TBC1D2: variants seen among roughly 807,000 people sequenced by gnomAD.
TBC1D2 encodes the protein TBC1 domain family member 2A.
In TBC1D2, 58 loss-of-function variants were observed where a neutral mutation model predicts 91.1. That is an observed-to-expected ratio of 0.64 (90% CI 0.52 to 0.79). TBC1D2 has a LOEUF of 0.79. Among genes scored for constraint, TBC1D2 ranks in the 30% least tolerant of loss-of-function variants. The probability of loss-of-function intolerance (pLI) is 0.00; values close to 1 mark genes in which losing one functional copy is unlikely to be tolerated. For missense variants in TBC1D2, 1,080 were observed against 1,208.3 expected (o/e 0.89, Z 1.57); for synonymous variants, 482 against 511.5 (o/e 0.94, Z 0.78).
At chr9:98,237,513 CT>C (rs929206241) in intron 3 of TBC1D2, among the ~76,000 whole-genome samples, 114 of 143,740 alleles carry the variant, frequency 7.9e-4, no homozygotes, top group Middle Eastern at 3.5e-3. Context: ...CTTTTTTTTT[CT>C]TTTTTTTTTT....
chr9:98,246,162 T>C (rs1829759516), intron 2 of TBC1D2, among the ~76,000 whole-genome samples: 1 of 152,144 alleles, frequency 6.6e-6, no homozygotes, highest in Non-Finnish European at 1.5e-5. Flanking sequence ...CACTTATGGG[T>C]TGGTATGAGC....
Position 98,221,286 on chromosome 9 carries a change from G to A in TBC1D2, c.979-58C>T, listed in dbSNP as rs576001858. On this transcript the variant is annotated intron_variant, in intron 5 of 12. Coordinates refer to ENST00000465784, the MANE Select transcript of TBC1D2 (RefSeq NM_001267571.2). ...CAGGGAGGGCCTGCTGGGCGCCACAGTGGGGTATATGTTATCAGTAGTTCT... is the reference window on the plus strand; with the variant it reads ...CAGGGAGGGCCTGCTGGGCGCCACAATGGGGTATATGTTATCAGTAGTTCT... 141 of 1,477,812 alleles carry A rather than the reference G, an allele frequency of 9.5e-5. 2 individuals carry two copies. In the South Asian group the frequency reaches 1.8e-3, roughly 19 times the overall value. The allele number at this position is 1,477,812 out of a possible 1,614,324, so 91.5% of individuals were successfully genotyped here.
At chr9:98,202,540 C>T (rs1425297790) in intron 10 of TBC1D2, among the ~76,000 whole-genome samples, 1 of 152,158 alleles carries the variant, frequency 6.6e-6, no homozygotes, top group Non-Finnish European at 1.5e-5. Flanking sequence ...AAGGTAACTC[C>T]CCAAGTCTAA....
intron 3 of TBC1D2, among the ~76,000 whole-genome samples, chr9:98,241,968 A>G (rs960891555): frequency 1.3e-5 from 2 of 152,096 alleles, no homozygotes; most frequent in Non-Finnish European, 2.9e-5. Context: ...CTAAAACCTG[A>G]TTCTCTCCTG....
intron 3 of TBC1D2, among the ~76,000 whole-genome samples, chr9:98,239,015 G>C (rs977931001): frequency 6.6e-6 from 1 of 151,988 alleles, no homozygotes; most frequent in Non-Finnish European, 1.5e-5. Context: ...GAGCCACTGT[G>C]CCTGGCCTCC....
In TBC1D2 at chr9:98,255,341, G is replaced by A; in HGVS notation, c.201C>T (p.Arg67=). The A allele has an allele frequency of 6.2e-7, 1 of 1,614,258 alleles. No homozygotes were observed. Among genetic ancestry groups the A allele is most frequent in the Non-Finnish European group, 8.5e-7 (1 of 1,180,044 alleles). The change falls in exon 1 of 13, where the codon CGC becomes CGT. Residue 67 remains arginine, a synonymous_variant. Transcript: ENST00000465784. ...GKGPIRGWKS[R]WFFYDERKCQ... is the part of the protein sequence containing the mutation. ...ATTTCCTTTCGTCGTAGAAGAACCA[G>A]CGGGATTTCCAGCCCCGGATGGGCC... is the stretch of plus-strand genomic sequence containing the variant.
intron 8 of TBC1D2, among the ~76,000 whole-genome samples, chr9:98,209,496 T>C (rs1289156001): frequency 6.6e-6 from 1 of 152,210 alleles, no homozygotes; most frequent in Non-Finnish European, 1.5e-5. Context: ...CAAGGAGTCC[T>C]GCACTGTGCA....
At position 98,228,516 on chromosome 9, in the gene TBC1D2, G is replaced by A. The variant is rs1829287702; in HGVS notation, c.978+436C>T. ...TGGGCCACACACATGCTGCTTGTTT[G>A]CTTTCTCCTGTGACAGTCTTGTGAC... On this transcript the variant is annotated intron_variant, in intron 5 of 12. Coordinates refer to ENST00000465784, the MANE Select transcript of TBC1D2 (RefSeq NM_001267571.2). This position sits in a 1 kb window ranked among gnomAD's most constrained non-coding sequence, Gnocchi z 4.0. 6.6e-6 allele frequency among the ~76,000 whole-genome samples: 1 copy of A among 152,218 alleles called. No individual in the cohort carries two copies. The highest frequency in any genetic ancestry group is 2.1e-4 in the South Asian group (1 of 4,830).
rs983816059 is a variant in TBC1D2 at position 98,228,578 on chromosome 9, A to G, written c.978+374T>C. Among the ~76,000 whole-genome samples the G allele has an allele frequency of 3.9e-5, 6 of 152,138 alleles. No individual in the cohort carries two copies. The highest frequency in any genetic ancestry group is 6.5e-5 in the Admixed American group (1 of 15,278). The stretch of plus-strand genomic sequence containing the variant: ...TATCTGTGCCCAGATATCGGCTGCC[A>G]GGTCAAAGTTCCCCCCAGTTCTATC... On this transcript the variant is annotated intron_variant, in intron 5 of 12. Transcript: ENST00000465784. The surrounding 1 kb of genome is among the most constrained non-coding windows in gnomAD (Gnocchi z 4.0).
rs539685976 is a variant in TBC1D2, at chr9:98,246,496, C to T, written c.512-2367G>A. ...TGAGGCCCTCCCTTCCATGAATCCT[C>T]TCACCAAACACAGACTGGGTGTTTA... is the stretch of plus-strand genomic sequence containing the variant. On this transcript the variant is annotated intron_variant, in intron 2 of 12. Transcript: ENST00000465784. 2.6e-5 allele frequency among the ~76,000 whole-genome samples: 4 copies of T among 152,314 alleles called. No individual in the cohort carries two copies. The South Asian group carries it at 6.2e-4, about 24-fold the overall frequency.
chr9:98,200,137 A>C (rs1828446669), intron 12 of TBC1D2, 116 bp downstream of exon 12: 23 of 1,425,808 alleles, frequency 1.6e-5, no homozygotes, highest in Non-Finnish European at 2.0e-5. Context: ...CTAAGCTATA[A>C]TACGAGCATC....
At chr9:98,242,191 C>T (rs562833431) in intron 3 of TBC1D2, among the ~76,000 whole-genome samples, 161 of 152,136 alleles carry the variant, frequency 1.1e-3, no homozygotes, top group African/African-American at 3.5e-3. Flanking sequence ...TCTGTAATCC[C>T]AGCACTTTGG....
Position 98,244,056 on chromosome 9 carries a change from A to G in TBC1D2, c.585T>C (p.Ala195=), listed in dbSNP as rs61752516. Residue 195 remains alanine (A), a synonymous_variant, in exon 3 of 13, where the codon GCT becomes GCC. Coordinates refer to ENST00000465784, the MANE Select transcript of TBC1D2 (RefSeq NM_001267571.2). The part of the protein sequence containing the change: ...KTPPGLVGVA[A]ALQPFPALQN... ...GAAGGGCAGGGAAGGGCTGCAAGGC[A>G]GCTGCCACGCCCACTAGCCCAGGGG... is the stretch of plus-strand genomic sequence containing the variant. The G allele has an allele frequency of 1.2e-6, 2 of 1,612,432 alleles. No homozygotes were observed. The highest frequency in any genetic ancestry group is 4.5e-5 in the East Asian group (2 of 44,874).
chr9:98,210,203 G>T (rs1828794430), intron 8 of TBC1D2, among the ~76,000 whole-genome samples: 1 of 152,136 alleles, frequency 6.6e-6, no homozygotes, highest in Non-Finnish European at 1.5e-5. Flanking sequence ...GAGGGCCAGG[G>T]CTGGCTCCAA....
intron 9 of TBC1D2, among the ~76,000 whole-genome samples, chr9:98,205,854 G>A (rs961726811): frequency 6.6e-6 from 1 of 152,068 alleles, no homozygotes. Flanking sequence ...GAGCCACGGC[G>A]CCGGGCCCAC....
rs1564236669 is a variant in TBC1D2, at chr9:98,209,759, CCTTCCTTCCTT to C, written c.1674-626_1674-616del. ...CTTCTTTCCTTTCCTTCCTTCCTTT[CCTTCCTTCCTT>C]CCTTCCTTCCTTCCTTCCTTCCTTT... On this transcript the variant is annotated intron_variant, in intron 8 of 12. Transcript: ENST00000465784. Among the ~76,000 whole-genome samples, 8 of 67,720 alleles carry C rather than the reference CCTTCCTTCCTT, an allele frequency of 1.2e-4. 1 individual carries two copies. In the East Asian group the frequency reaches 5.1e-3, roughly 43 times the overall value. The allele number at this position is 67,720 out of a possible 152,430, so 44.4% of individuals were successfully genotyped here. A position where few individuals can be genotyped will look rare whatever the true frequency, so the allele number is the denominator to read the frequency against.
At chr9:98,241,999 C>T (rs538226154) in intron 3 of TBC1D2, among the ~76,000 whole-genome samples, 1 of 152,272 alleles carries the variant, frequency 6.6e-6, no homozygotes, top group East Asian at 1.9e-4. Flanking sequence ...CACCACCCTC[C>T]TAGTCACTCA....
Position 98,229,268 on chromosome 9 carries a change from G to A in TBC1D2, c.782-120C>T, listed in dbSNP as rs1373491361. ...ATGCGGATGGTTGGGCCCTAATTTCGGAGCTCTGGATTTAATAGGTCTGGG... is the reference window on the plus strand; with the variant it reads ...ATGCGGATGGTTGGGCCCTAATTTCAGAGCTCTGGATTTAATAGGTCTGGG... On this transcript the variant is annotated intron_variant, in intron 4 of 12. Transcript: ENST00000465784. 9.0e-6 allele frequency: 8 copies of A among 891,732 alleles called. No individual in the cohort carries two copies. The Admixed American group carries it at 1.6e-4, about 18-fold the overall frequency. 55.2% of individuals were successfully genotyped at this position (891,732 alleles called of 1,614,324 possible).
chr9:98,237,592 C>T (rs530103294), intron 3 of TBC1D2, among the ~76,000 whole-genome samples: 47 of 150,062 alleles, frequency 3.1e-4, no homozygotes, highest in African/African-American at 1.1e-3. Context: ...CTGCAACCTC[C>T]ACCTCCCAGA....
Sources: allele counts gnomAD v4.1 joint callset (sites outside exome capture counted in the v4.1 genomes callset), GRCh38; gene constraint gnomAD v4.1.1; non-coding constraint Gnocchi (gnomAD v3.1); transcripts MANE v1.5; gene names NCBI Gene and HGNC (gene_info 2026-07-23, HGNC 2026-07-21).